ANKS3: variants seen among roughly 807,000 people sequenced by gnomAD.
ANKS3 encodes ankyrin repeat and SAM domain-containing protein 3.
Under a neutral mutation model 80.7 loss-of-function variants are expected in ANKS3, and 62 were observed. The observed-to-expected ratio is 0.77, with a 90% CI of 0.63 to 0.95. The LOEUF is 0.95. Ranked by LOEUF, ANKS3 falls within the 40% of genes least tolerant of loss-of-function variation. The pLI is 0.00. For missense variants in ANKS3, 1,150 were observed against 883.6 expected (o/e 1.30, Z -3.82); for synonymous variants, 489 against 355.3 (o/e 1.38, Z -4.23).
chr16:4,726,936 G>A (rs771330661), intron 4 of ANKS3, 43 bp downstream of exon 4: 9 of 1,611,532 alleles, frequency 5.6e-6, no homozygotes, highest in Admixed American at 5.0e-5. Context: ...GGGTGGCCAC[G>A]GAGCCCCTCA....
Position 4,734,245 on chromosome 16 carries a change from A to G in ANKS3, c.-378T>C. 6.3e-6 allele frequency: 1 copy of G among 158,668 alleles called. No homozygotes were observed. The highest frequency in any genetic ancestry group is 1.4e-5 in the Non-Finnish European group (1 of 73,946). 9.8% of individuals were successfully genotyped at this position (158,668 alleles called of 1,614,324 possible). A position where few individuals can be genotyped will look rare whatever the true frequency, so the allele number is the denominator to read the frequency against. ...CGCCGCCACGCTCCCTCGCCGGGGC[A>G]CCGCCCCCGGCACCCGCCCCGGAAG... On this transcript the variant is annotated 5_prime_UTR_variant, in exon 1 of 18. Transcript: ENST00000304283.
Position 4,701,967 on chromosome 16 carries a change from T to C in ANKS3, c.1009+135A>G, listed in dbSNP as rs953182825. ...CCATTCCTCACAAGAACCAGGGCCG[T>C]CCACACCTACCCCTTTCCTGTCCTC... On this transcript the variant is annotated intron_variant, in intron 9 of 17. Coordinates refer to ENST00000304283, the MANE Select transcript of ANKS3 (RefSeq NM_133450.4). 6 of 1,153,202 alleles carry C rather than the reference T, an allele frequency of 5.2e-6. No individual in the cohort carries two copies. The African/African-American group carries it at 8.0e-5, about 15-fold the overall frequency. 71.4% of individuals were successfully genotyped at this position (1,153,202 alleles called of 1,614,324 possible). A position where few individuals can be genotyped will look rare whatever the true frequency, so the allele number is the denominator to read the frequency against.
At chr16:4,721,809 G>C (rs2081116900) in intron 6 of ANKS3, among the ~76,000 whole-genome samples, 1 of 150,758 alleles carries the variant, frequency 6.6e-6, no homozygotes, top group African/African-American at 2.4e-5. Context: ...TTGTATTTTT[G>C]TATTTTTGGT....
intron 6 of ANKS3, among the ~76,000 whole-genome samples, chr16:4,722,891 C>T (rs1175400772): frequency 6.7e-6 from 1 of 150,212 alleles, no homozygotes; most frequent in Non-Finnish European, 1.5e-5. Context: ...GCACTCCAGC[C>T]TTCCAGCCTG....
At chr16:4,725,393 G>T (rs1439101869) in intron 5 of ANKS3, among the ~76,000 whole-genome samples, 1 of 152,144 alleles carries the variant, frequency 6.6e-6, no homozygotes, top group Non-Finnish European at 1.5e-5. Flanking sequence ...GGAAATGCTG[G>T]TTTTCATCCA....
intron 6 of ANKS3, among the ~76,000 whole-genome samples, chr16:4,723,423 T>C (rs1252952522): frequency 1.3e-5 from 2 of 152,336 alleles, no homozygotes; most frequent in East Asian, 3.9e-4. Context: ...CCGAATGTTT[T>C]CCTTTTCTTT....
rs2081824924 is a variant in ANKS3, at chr16:4,734,134, GC to G, written c.-268del. 1 of 666,024 alleles carries G rather than the reference GC, an allele frequency of 1.5e-6. No individual in the cohort carries two copies. The highest frequency in any genetic ancestry group is 6.6e-5 in the South Asian group (1 of 15,140). The allele number at this position is 666,024 out of a possible 1,614,324, so 41.3% of individuals were successfully genotyped here. A position where few individuals can be genotyped will look rare whatever the true frequency, so the allele number is the denominator to read the frequency against. ...GCTGCAGGTGCCGGCAAGTGCTGGG[GC>G]CGGGCCGCCGCGGAACCCACCTGTG... is the stretch of plus-strand genomic sequence containing the variant. On this transcript the variant is annotated 5_prime_UTR_variant, in exon 1 of 18. Coordinates refer to ENST00000304283, the MANE Select transcript of ANKS3 (RefSeq NM_133450.4).
intron 7 of ANKS3, among the ~76,000 whole-genome samples, chr16:4,707,098 G>C (rs1272859066): frequency 6.6e-6 from 1 of 152,144 alleles, no homozygotes; most frequent in Non-Finnish European, 1.5e-5. Context: ...GGAGCTGTAA[G>C]ACAAATGCAA....
chr16:4,706,760 G>A (rs1322919062), intron 7 of ANKS3, among the ~76,000 whole-genome samples: 1 of 152,194 alleles, frequency 6.6e-6, no homozygotes, highest in African/African-American at 2.4e-5. Flanking sequence ...TGTGGAGTGG[G>A]TAAGCTGGGG....
intron 6 of ANKS3, among the ~76,000 whole-genome samples, chr16:4,717,799 T>C (rs564463698): frequency 5.1e-4 from 78 of 151,466 alleles, no homozygotes; most frequent in African/African-American, 1.4e-3. Context: ...ACACCACAAC[T>C]GGCTTTTTTT....
At chr16:4,722,014 T>C (rs974643570) in intron 6 of ANKS3, among the ~76,000 whole-genome samples, 3 of 151,290 alleles carry the variant, frequency 2.0e-5, no homozygotes, top group Non-Finnish European at 4.4e-5. Context: ...CAGCTGCACA[T>C]GGGGCAGGAC....
At chr16:4,705,040 CA>C in intron 8 of ANKS3, 54 bp downstream of exon 8, 1 of 1,591,636 alleles carries the variant, frequency 6.3e-7, no homozygotes, top group Admixed American at 1.7e-5. Context: ...TTCTTGCCAA[CA>C]CAAAATCCTG....
Position 4,714,042 on chromosome 16 carries a change from T to A in ANKS3, c.709+9A>T. ...ACCCCAGCAGGGCGCGGCTGGCAGG[T>A]GTGGGTACCTGGGCTCCGATAGAGG... On this transcript the variant is annotated intron_variant, in intron 7 of 17. Transcript: ENST00000304283. The A allele has an allele frequency of 6.2e-7, 1 of 1,612,584 alleles. No homozygotes were observed. The highest frequency in any genetic ancestry group is 1.1e-5 in the South Asian group (1 of 90,986).
At chr16:4,724,712 C>G (rs371151730) in intron 6 of ANKS3, 38 bp downstream of exon 6, 1 of 1,570,930 alleles carries the variant, frequency 6.4e-7, no homozygotes, top group East Asian at 2.2e-5. Flanking sequence ...CCTCATTTGC[C>G]GTGACTACAT....
rs766904769 is a variant in ANKS3 at position 4,701,100 on chromosome 16, T to G, written c.1154A>C (p.Lys385Thr). ...GGTCTTCATGTAACTTTTAGCTTGT[T>G]TGCGAGCTGAGCTTTTACAGGCATG... ...SDHACKSSAR[K>T]QAKSYMKTKN... Residue 385 changes from lysine (K) to threonine (T), a missense_variant, in exon 11 of 18, where the codon AAA becomes ACA. Lys to Thr is a moderately conservative substitution (Grantham distance 78, BLOSUM62 -1). Transcript: ENST00000304283. 1.9e-6 allele frequency: 3 copies of G among 1,613,908 alleles called. No homozygotes were observed. The South Asian group carries it at 3.3e-5, about 18-fold the overall frequency.
At chr16:4,700,777 A>C (rs1223282109) in intron 11 of ANKS3, 193 bp downstream of exon 11, 2 of 813,028 alleles carry the variant, frequency 2.5e-6, no homozygotes, top group Non-Finnish European at 4.3e-6. Context: ...AGAGGAACAG[A>C]GTAGAAGCGC....
chr16:4,704,381 C>G (rs2080076830), intron 8 of ANKS3, among the ~76,000 whole-genome samples: 1 of 152,272 alleles, frequency 6.6e-6, no homozygotes, highest in South Asian at 2.1e-4. Context: ...AGACCAGCAG[C>G]CTTGGCCTGG....
intron 7 of ANKS3, among the ~76,000 whole-genome samples, 188 bp downstream of exon 7, chr16:4,713,863 T>C (rs2142087387): frequency 6.6e-6 from 1 of 152,302 alleles, no homozygotes; most frequent in African/African-American, 2.4e-5. Context: ...CCACTCTCCA[T>C]CGTAACCATC....
chr16:4,697,938 T>A, intron 15 of ANKS3, 39 bp downstream of exon 15: 2 of 1,474,142 alleles, frequency 1.4e-6, no homozygotes, highest in African/African-American at 2.9e-5. Context: ...TCCCCCACCT[T>A]CCCCTCTGCC....
Sources: gnomAD v4.1 joint callset for allele counts (sites outside exome capture counted in the v4.1 genomes callset) on GRCh38, gnomAD v4.1.1 for gene constraint, MANE v1.5 for transcripts, NCBI Gene and HGNC (gene_info 2026-07-23, HGNC 2026-07-21) for gene names.